The following PAN2 variants were observed in gnomAD, a reference collection of about 807,000 sequenced individuals.
PAN2 encodes the protein PAN2-PAN3 deadenylation complex catalytic subunit PAN2.
In PAN2, 68 loss-of-function variants were observed where a neutral mutation model predicts 133.3. That is an observed-to-expected ratio of 0.51 (90% confidence interval 0.42 to 0.62). The LOEUF is 0.62. PAN2 is among the 20% of genes least tolerant of loss of function. The pLI, the probability that PAN2 is intolerant of heterozygous loss-of-function variation, is 0.00. For missense variants in PAN2, 1,042 were observed against 1,500.5 expected, an observed-to-expected ratio of 0.69 and a Z score of 5.05; for synonymous variants, 462 against 544.6, an observed-to-expected ratio of 0.85 and a Z score of 2.11.
At chr12:56,327,076 A>G in intron 6 of PAN2, 117 bp from the exon 7 acceptor site, 1 of 887,350 alleles carries the variant, frequency 1.1e-6, no homozygotes, top group South Asian at 1.7e-5. Flanking sequence ...ATCCATGCCT[A>G]GAGACAGAAT....
In PAN2 at chr12:56,323,355, G is replaced by A. The variant is rs769993364; in HGVS notation, c.2301C>T (p.His767=). ...CCTTGTTCTTGGAGATTTCCCCACC[G>A]TGTTTCTTTACTGCCATCTTGAAGG... The part of the protein sequence containing the change: ...EVAFKMAVKK[H]GGEISKNKEF... Residue 767 remains histidine (H), a synonymous_variant, in exon 16 of 26, where the codon CAC becomes CAT. Coordinates refer to ENST00000440411, the MANE Select transcript of PAN2 (RefSeq NM_014871.6). The A allele has an allele frequency of 4.0e-5, 65 of 1,613,616 alleles. No individual in the cohort carries two copies. In the Middle Eastern group the frequency reaches 4.9e-4, roughly 12 times the overall value.
chr12:56,329,421 T>A (rs1166507227), intron 2 of PAN2, among the ~76,000 whole-genome samples: 1 of 152,054 alleles, frequency 6.6e-6, no homozygotes, highest in Non-Finnish European at 1.5e-5. Context: ...CTGCAACCTC[T>A]GCCTCCCAGG....
intron 17 of PAN2, 127 bp downstream of exon 17, chr12:56,322,935 C>T (rs1592435278): frequency 5.3e-6 from 7 of 1,326,698 alleles, no homozygotes; most frequent in East Asian, 2.3e-5. Context: ...AATCCCCTAA[C>T]AGGTAAATAC....
Position 56,322,431 on chromosome 12 carries a change from T to G in PAN2, c.2689A>C (p.Ile897Leu). The part of the protein sequence containing the change: ...YLFNDFLIEP[I>L]DKHEAVQFDM... ...AACATGTTGCAACTAACCTTATCAA[T>G]AGGTTCAATAAGAAAGTCATTGAAC... The change falls in exon 19 of 26, where the codon ATT becomes CTT. Residue 897 changes from isoleucine (I) to leucine (L), a missense_variant. Coordinates refer to ENST00000440411, the MANE Select transcript of PAN2 (RefSeq NM_014871.6). 3 of 1,610,540 alleles carry G rather than the reference T, an allele frequency of 1.9e-6. No homozygotes were observed. Among genetic ancestry groups the G allele is most frequent in the Non-Finnish European group, 2.5e-6 (3 of 1,176,754 alleles).
chr12:56,330,245 G>T (rs947151779), intron 2 of PAN2, among the ~76,000 whole-genome samples: 1 of 151,284 alleles, frequency 6.6e-6, no homozygotes, highest in Non-Finnish European at 1.5e-5. Context: ...TTCTAAAAGA[G>T]CCATTAGGAA....
chr12:56,325,389 T>C lies in PAN2; in HGVS notation c.1425A>G (p.Pro475=). The C allele has an allele frequency of 6.2e-7, 1 of 1,614,204 alleles. No individual in the cohort carries two copies. ...GATGTGGTTCCTCTTCTCGTCCTAC[T>C]GGTGACTCAGTGACCTGGCTGAAGC... ...FDSFSQVTES[P]VGREEEPHLH... is the part of the protein sequence containing the mutation. Residue 475 remains proline (P), a synonymous_variant, in exon 9 of 26, where the codon CCA becomes CCG. Coordinates refer to ENST00000440411, the MANE Select transcript of PAN2 (RefSeq NM_014871.6).
Position 56,323,591 on chromosome 12 carries a change from G to A in PAN2, c.2180C>T (p.Thr727Ile). Reference protein sequence around the residue: ...TCEKYQPTIQTRNIRHLPDIL... With the variant: ...TCEKYQPTIQIRNIRHLPDIL... The stretch of plus-strand genomic sequence containing the variant: ...ATCTGGCAGATGGCGGATGTTGCGG[G>A]TCTGAATCTGAGAGGAAGAAACAAA... Residue 727 changes from threonine (T) to isoleucine (I), a missense_variant, in exon 15 of 26, where the codon ACC (threonine) becomes ATC (isoleucine). Physicochemically the swap from Thr to Ile is moderately conservative, Grantham distance 89 (BLOSUM62 -1). Transcript: ENST00000440411. The A allele has an allele frequency of 6.2e-7, 1 of 1,613,876 alleles. No homozygotes were observed. The highest frequency in any genetic ancestry group is 8.5e-7 in the Non-Finnish European group (1 of 1,179,770).
rs201970886 is a variant in PAN2, at chr12:56,324,550, C to T, written c.1728+31G>A. The T allele has an allele frequency of 2.2e-4, 359 of 1,612,312 alleles. No homozygotes were observed. The Middle Eastern group carries it at 2.5e-3, about 11-fold the overall frequency. On this transcript the variant is annotated intron_variant, in intron 11 of 25. Transcript: ENST00000440411. ...TGTCTTTTGTGTCCACCTTCCTTCC[C>T]CTTCCATTTTAAGTGTCTCCAAGTA...
At chr12:56,320,076 G>C in intron 20 of PAN2, 55 bp from the exon 21 acceptor site, 1 of 1,559,886 alleles carries the variant, frequency 6.4e-7, no homozygotes, top group Non-Finnish European at 8.8e-7. Flanking sequence ...GACTAGGGGA[G>C]AGAAGCCCAG....
At position 56,317,300 on chromosome 12, in the gene PAN2, C is replaced by T. The variant is rs1391008784; in HGVS notation, c.*309G>A. The T allele has an allele frequency of 8.2e-6, 3 of 366,270 alleles. No individual in the cohort carries two copies. Among genetic ancestry groups the T allele is most frequent in the African/African-American group, 6.3e-5 (3 of 47,994 alleles). The allele number at this position is 366,270 out of a possible 1,614,324, so 22.7% of individuals were successfully genotyped here. A position where few individuals can be genotyped will look rare whatever the true frequency, so the allele number is the denominator to read the frequency against. ...GAACTTACAGTTATGGTTCCAGGAGCTTCTCTGCCTGGATATTAGTCACCC... is the reference window on the plus strand; with the variant it reads ...GAACTTACAGTTATGGTTCCAGGAGTTTCTCTGCCTGGATATTAGTCACCC... On this transcript the variant is annotated 3_prime_UTR_variant, in exon 26 of 26. Coordinates refer to ENST00000440411, the MANE Select transcript of PAN2 (RefSeq NM_014871.6).
At chr12:56,321,621 C>T (rs1592432972) in intron 20 of PAN2, among the ~76,000 whole-genome samples, 3 of 150,404 alleles carry the variant, frequency 2.0e-5, no homozygotes, top group Middle Eastern at 3.4e-3. Context: ...GAGGCTGAGG[C>T]GGGCAGATCA....
At chr12:56,325,175 C>A in intron 9 of PAN2, 47 bp from the exon 10 acceptor site, 1 of 1,599,988 alleles carries the variant, frequency 6.3e-7, no homozygotes, top group Middle Eastern at 1.7e-4. Context: ...CTCAGAGTCC[C>A]CAAATCTTTC....
chr12:56,330,018 T>C (rs1875574716), intron 2 of PAN2, among the ~76,000 whole-genome samples: 1 of 149,982 alleles, frequency 6.7e-6, no homozygotes, highest in Non-Finnish European at 1.5e-5. Context: ...TAACACAGCA[T>C]ATGAAGTTCT....
At chr12:56,317,856 A>C (rs1251603556) in intron 25 of PAN2, among the ~76,000 whole-genome samples, 1 of 152,204 alleles carries the variant, frequency 6.6e-6, no homozygotes, top group Non-Finnish European at 1.5e-5. Flanking sequence ...GTAAACTGTT[A>C]AGTGCTATTC....
chr12:56,332,067 C>T (rs904104556), intron 2 of PAN2, among the ~76,000 whole-genome samples: 1 of 151,952 alleles, frequency 6.6e-6, no homozygotes, highest in Non-Finnish European at 1.5e-5. Context: ...ATTGGCAATA[C>T]GGGTACAGAT....
intron 2 of PAN2, among the ~76,000 whole-genome samples, chr12:56,331,903 C>T (rs1875920175): frequency 6.6e-6 from 1 of 151,792 alleles, no homozygotes; most frequent in African/African-American, 2.4e-5. Flanking sequence ...TTAGTAGAGA[C>T]AGGGTTTCAC....
At chr12:56,330,399 G>A (rs1195896195) in intron 2 of PAN2, among the ~76,000 whole-genome samples, 2 of 111,550 alleles carry the variant, frequency 1.8e-5, no homozygotes, top group African/African-American at 6.8e-5. Context: ...TCGCTCTGTC[G>A]CCCAGGCTGG....
chr12:56,318,354 G>A lies in PAN2; in HGVS notation c.3445C>T (p.Leu1149=). 1 of 1,613,966 alleles carries A rather than the reference G, an allele frequency of 6.2e-7. No homozygotes were observed. The highest frequency in any genetic ancestry group is 1.3e-5 in the African/African-American group (1 of 75,012). Residue 1149 remains leucine (L), a synonymous_variant, in exon 25 of 26, where the codon CTA becomes TTA. Transcript: ENST00000440411. ...TCAGGCTCAGTGCCATTTTTGCTTAGCTCCAGATACTTTCGGTACAGCTGA... is the reference window on the plus strand; with the variant it reads ...TCAGGCTCAGTGCCATTTTTGCTTAACTCCAGATACTTTCGGTACAGCTGA... ...ALQLYRKYLE[L]SKNGTEPESF...
rs1246139723 is a variant in PAN2 at position 56,324,643 on chromosome 12, G to A, written c.1666C>T (p.Leu556=). The change falls in exon 11 of 26, where the codon CTG becomes TTG. Residue 556 remains leucine (L), a synonymous_variant. Transcript: ENST00000440411. ...AACAGGAAGCCCAGCTCACATGCCA[G>A]ACAGAACTCCTTCTGGCAAAGGTGG... ...QNHLCQKEFC[L]ACELGFLFHM... 6.2e-7 allele frequency: 1 copy of A among 1,614,084 alleles called. No homozygotes were observed. The highest frequency in any genetic ancestry group is 8.5e-7 in the Non-Finnish European group (1 of 1,180,042).
Sources: gnomAD v4.1 joint callset for allele counts (sites outside exome capture counted in the v4.1 genomes callset) on GRCh38, gnomAD v4.1.1 for gene constraint, MANE v1.5 for transcripts, NCBI Gene and HGNC (gene_info 2026-07-23, HGNC 2026-07-21) for gene names.